COL15A1: variants seen among roughly 807,000 people sequenced by gnomAD.
The protein encoded by COL15A1 is collagen type XV alpha 1 chain.
Under a neutral mutation model 165.9 loss-of-function variants are expected in COL15A1, and 111 were observed. The ratio of observed to expected loss-of-function variants is 0.67; its 90% CI spans 0.57 to 0.78. COL15A1 has a LOEUF of 0.78. Ranked by LOEUF, COL15A1 falls within the 30% of genes least tolerant of loss-of-function variation. COL15A1 has a pLI of 0.00. For missense variants in COL15A1, 1,745 were observed against 1,789.7 expected, an observed-to-expected ratio of 0.98 and a Z score of 0.45; for synonymous variants, 659 against 674.8, an observed-to-expected ratio of 0.98 and a Z score of 0.36.
chr9:98,983,027 C>T (rs936049060), intron 2 of COL15A1, among the ~76,000 whole-genome samples: 6 of 152,258 alleles, frequency 3.9e-5, no homozygotes, highest in Non-Finnish European at 5.9e-5. Flanking sequence ...GCTAATTACT[C>T]GCTTTTTTTA....
intron 6 of COL15A1, 30 bp from the exon 7 acceptor site, chr9:99,000,809 T>C (rs2274963): frequency 0.033 from 34,327 of 1,029,146 alleles, 1,810 homozygotes; most frequent in Admixed American, 0.15. Flanking sequence ...AAAATGTAGT[T>C]ATTGATAGCA....
At chr9:98,968,167 C>G (rs1450526361) in intron 2 of COL15A1, among the ~76,000 whole-genome samples, 2 of 152,196 alleles carry the variant, frequency 1.3e-5, no homozygotes, top group Non-Finnish European at 2.9e-5. Context: ...GTAATAAGAA[C>G]ACCCTCCTCA....
intron 16 of COL15A1, among the ~76,000 whole-genome samples, chr9:99,028,212 G>A (rs1189386643): frequency 1.3e-5 from 2 of 152,038 alleles, no homozygotes; most frequent in Non-Finnish European, 2.9e-5. Context: ...CAAAGAATAA[G>A]GTTCAGGTTA....
intron 11 of COL15A1, among the ~76,000 whole-genome samples, chr9:99,018,741 G>A (rs76307300): frequency 1.3e-5 from 2 of 152,340 alleles, no homozygotes; most frequent in African/African-American, 4.8e-5. Flanking sequence ...AGCATATAAT[G>A]TTAAGTGAAA....
rs777473050 is a variant in COL15A1 at position 99,038,752 on chromosome 9, C to T, written c.2475+19C>T. 1.4e-5 allele frequency: 22 copies of T among 1,549,530 alleles called. No homozygotes were observed. The African/African-American group carries it at 2.7e-4, about 19-fold the overall frequency. ...GCCTCCGGTTGGTATCTACAGCTGC[C>T]CCAGAATGTGGCTTTTACCCAGACG... is the stretch of plus-strand genomic sequence containing the variant. On this transcript the variant is annotated intron_variant, in intron 22 of 41. Coordinates refer to ENST00000375001, the MANE Select transcript of COL15A1 (RefSeq NM_001855.5).
chr9:98,963,551 A>G (rs1165965216), intron 2 of COL15A1, among the ~76,000 whole-genome samples: 1 of 152,190 alleles, frequency 6.6e-6, no homozygotes, highest in Non-Finnish European at 1.5e-5. Flanking sequence ...CTGCTTGATC[A>G]CATCCGTACC....
At chr9:99,044,545 T>C (rs781738200) in intron 24 of COL15A1, 23 bp from the exon 25 acceptor site, 23 of 1,612,546 alleles carry the variant, frequency 1.4e-5, no homozygotes, top group Admixed American at 1.7e-5. Flanking sequence ...CCTGACTTCA[T>C]TGAGATGTTC....
At chr9:98,966,821 G>C (rs2151616) in intron 2 of COL15A1, among the ~76,000 whole-genome samples, 1 of 152,126 alleles carries the variant, frequency 6.6e-6, no homozygotes, top group African/African-American at 2.4e-5. Flanking sequence ...TGGGGATCAG[G>C]TGAGAGCTAA....
In COL15A1 at chr9:99,003,538, G is replaced by A. The variant is rs1338027648; in HGVS notation, c.1151G>A (p.Gly384Glu). The A allele has an allele frequency of 4.5e-6, 7 of 1,567,822 alleles. No homozygotes were observed. Among genetic ancestry groups the A allele is most frequent in the Admixed American group, 1.9e-5 (1 of 53,760 alleles). The change falls in exon 8 of 42, where the codon GGA (glycine) becomes GAA (glutamate). Residue 384 changes from glycine to glutamate, a missense_variant. Physicochemically the swap from Gly to Glu is moderately conservative, Grantham distance 98 (BLOSUM62 -2). Coordinates refer to ENST00000375001, the MANE Select transcript of COL15A1 (RefSeq NM_001855.5). ...GAGGCCAGCAGTGTGCCCACCGGGGGACCAACCCTCTCTATGTCCACGGAG... is the reference window on the plus strand; with the variant it reads ...GAGGCCAGCAGTGTGCCCACCGGGGAACCAACCCTCTCTATGTCCACGGAG... ...EAEASSVPTG[G>E]PTLSMSTENP...
intron 39 of COL15A1, among the ~76,000 whole-genome samples, chr9:99,064,254 T>C (rs1016243340): frequency 6.6e-6 from 1 of 152,142 alleles, no homozygotes; most frequent in African/African-American, 2.4e-5. Context: ...GAGAGATAGT[T>C]TATATGGTCT....
intron 5 of COL15A1, among the ~76,000 whole-genome samples, chr9:98,989,718 G>T (rs1014499105): frequency 6.6e-6 from 1 of 152,180 alleles, no homozygotes; most frequent in African/African-American, 2.4e-5. Flanking sequence ...GATGGCTCTT[G>T]TTATATTTGC....
intron 16 of COL15A1, among the ~76,000 whole-genome samples, chr9:99,031,251 C>G (rs904922579): frequency 6.6e-6 from 1 of 152,162 alleles, no homozygotes; most frequent in South Asian, 2.1e-4. Flanking sequence ...CCCAGACCAC[C>G]CTCAGCCCCT....
chr9:99,036,420 T>C (rs1191459525), intron 21 of COL15A1, 24 bp downstream of exon 21: 5 of 1,610,800 alleles, frequency 3.1e-6, no homozygotes, highest in Non-Finnish European at 3.4e-6. Context: ...AGGTCAGAGC[T>C]TGTCTACATA....
chr9:98,947,326 A>G (rs534787106), intron 2 of COL15A1, among the ~76,000 whole-genome samples: 1 of 152,302 alleles, frequency 6.6e-6, no homozygotes, highest in African/African-American at 2.4e-5. Context: ...AAGAGTCCCT[A>G]TATATGAGAT....
intron 2 of COL15A1, among the ~76,000 whole-genome samples, chr9:98,961,675 C>A (rs1331804234): frequency 6.6e-6 from 1 of 152,142 alleles, no homozygotes; most frequent in Non-Finnish European, 1.5e-5. Flanking sequence ...TGGCTTCCCA[C>A]CCTCGGTCAG....
chr9:99,014,893 G>T (rs549150656), intron 9 of COL15A1, among the ~76,000 whole-genome samples: 3 of 152,298 alleles, frequency 2.0e-5, no homozygotes, highest in Admixed American at 2.0e-4. Context: ...GCATTCTTTT[G>T]AGTTTCTGAT....
rs1839036394 is a variant in COL15A1, at chr9:99,021,999, T to C, written c.1702-92T>C. Reference sequence around the variant, plus strand: ...GCCATTTTTCTTTCCTGTGTGATCCTGATTTTAAAGATGAGCACGATTTCT... The same window carrying C: ...GCCATTTTTCTTTCCTGTGTGATCCCGATTTTAAAGATGAGCACGATTTCT... On this transcript the variant is annotated intron_variant, in intron 12 of 41. Transcript: ENST00000375001. The C allele has an allele frequency of 3.9e-6, 6 of 1,550,260 alleles. No homozygotes were observed. The South Asian group carries it at 6.7e-5, about 17-fold the overall frequency.
intron 5 of COL15A1, among the ~76,000 whole-genome samples, chr9:98,990,102 T>C (rs989107571): frequency 6.6e-6 from 1 of 152,208 alleles, no homozygotes; most frequent in East Asian, 1.9e-4. Flanking sequence ...AGCAGGGCTG[T>C]GCATGCAGCA....
chr9:98,995,129 C>A (rs1838522011), intron 5 of COL15A1, among the ~76,000 whole-genome samples: 1 of 152,186 alleles, frequency 6.6e-6, no homozygotes, highest in African/African-American at 2.4e-5. Flanking sequence ...GGTTCCTGAA[C>A]AAGTGATGGA....
Sources: gnomAD v4.1 joint callset for allele counts (sites outside exome capture counted in the v4.1 genomes callset) on GRCh38, gnomAD v4.1.1 for gene constraint, MANE v1.5 for transcripts, NCBI Gene and HGNC (gene_info 2026-07-23, HGNC 2026-07-21) for gene names.